The following NOP14 variants were observed in gnomAD, a reference collection of about 807,000 sequenced individuals.
The protein encoded by NOP14 is nucleolar protein 14.
NOP14 carries 57 observed loss-of-function variants against 101.6 expected under a neutral mutation model. The observed-to-expected ratio is 0.56, with a 90% CI of 0.45 to 0.70. The LOEUF (loss-of-function observed/expected upper bound fraction) is 0.70. Among genes scored for constraint, NOP14 ranks in the 30% least tolerant of loss-of-function variants. The probability of loss-of-function intolerance (pLI) is 0.00; values close to 1 mark genes in which losing one functional copy is unlikely to be tolerated. For missense variants in NOP14, 1,134 were observed against 1,075.5 expected (o/e 1.05, Z -0.76); for synonymous variants, 428 against 424.0 (o/e 1.01, Z -0.12).
chr4:2,939,656 C>G lies in NOP14; in HGVS notation c.2200-11G>C. ...GCTCTGACACAGCTCCTGAAAAACACGAAATCCCCGACTCTGCGATGACTC... is the reference window on the plus strand; with the variant it reads ...GCTCTGACACAGCTCCTGAAAAACAGGAAATCCCCGACTCTGCGATGACTC... On this transcript the variant is annotated splice_polypyrimidine_tract_variant and intron_variant, in intron 15 of 17. Coordinates refer to ENST00000416614, the MANE Select transcript of NOP14 (RefSeq NM_001291978.2). 1 of 1,597,970 alleles carries G rather than the reference C, an allele frequency of 6.3e-7. No individual in the cohort carries two copies. Among genetic ancestry groups the G allele is most frequent in the Non-Finnish European group, 8.6e-7 (1 of 1,165,630 alleles).
intron 8 of NOP14, among the ~76,000 whole-genome samples, chr4:2,949,478 T>A (rs1178904522): frequency 6.6e-6 from 1 of 152,170 alleles, no homozygotes; most frequent in African/African-American, 2.4e-5. Flanking sequence ...GTGTTGGGAT[T>A]ATAGGCATCA....
At chr4:2,956,945 T>C (rs949140948) in intron 2 of NOP14, 134 bp from the exon 3 acceptor site, 1 of 756,534 alleles carries the variant, frequency 1.3e-6, no homozygotes, top group Admixed American at 3.1e-5. Context: ...TTAAAGAGTA[T>C]TTTGGGTCAA....
In NOP14 at chr4:2,946,401, A is replaced by G; in HGVS notation, c.1635+11T>C. 1.9e-6 allele frequency: 3 copies of G among 1,614,050 alleles called. No individual in the cohort carries two copies. The highest frequency in any genetic ancestry group is 2.5e-6 in the Non-Finnish European group (3 of 1,179,934). ...GTGGCAGGGGCAGTGCCTAGACTGA[A>G]CTCTGCTTACCACATCCAACCCTGG... On this transcript the variant is annotated intron_variant, in intron 11 of 17. Transcript: ENST00000416614.
intron 1 of NOP14, 35 bp from the exon 2 acceptor site, chr4:2,957,775 T>G (rs1715451218): frequency 6.2e-7 from 1 of 1,607,180 alleles, no homozygotes; most frequent in African/African-American, 1.3e-5. Flanking sequence ...TCACAAAAAA[T>G]TCTTGTGATT....
At chr4:2,952,508 T>G in intron 5 of NOP14, 111 bp from the exon 6 acceptor site, 6 of 969,264 alleles carry the variant, frequency 6.2e-6, no homozygotes, top group Non-Finnish European at 8.7e-6. Flanking sequence ...GATAATGTTA[T>G]TGAAGTAGCT....
chr4:2,939,733 C>A (rs554680198), intron 15 of NOP14, 88 bp from the exon 16 acceptor site: 4 of 1,014,068 alleles, frequency 3.9e-6, no homozygotes, highest in Admixed American at 1.7e-5. Context: ...GTCAAGGCAG[C>A]GTGAGGACAG....
In NOP14 at chr4:2,947,545, C is replaced by G. The variant is rs762378989; in HGVS notation, c.1480G>C (p.Val494Leu). Residue 494 changes from valine (V) to leucine (L), a missense_variant, in exon 10 of 18, where the codon GTC becomes CTC. Physicochemically the swap from Val to Leu is conservative, Grantham distance 32. Coordinates refer to ENST00000416614, the MANE Select transcript of NOP14 (RefSeq NM_001291978.2). ...ACTTACACAACCAACTTATCAATGA[C>G]TGTGAGGTCTGGTGGGTCATCTGTA... The part of the protein sequence containing the change: ...LATDDPPDLT[V>L]IDKLVVHLYH... The G allele has an allele frequency of 1.9e-6, 3 of 1,613,506 alleles. No individual in the cohort carries two copies. The highest frequency in any genetic ancestry group is 2.5e-6 in the Non-Finnish European group (3 of 1,179,426).
chr4:2,939,499 C>A, intron 16 of NOP14, 28 bp downstream of exon 16: 1 of 1,600,864 alleles, frequency 6.2e-7, no homozygotes, highest in Non-Finnish European at 8.6e-7. Context: ...CAGCCCTGGC[C>A]TCCCAGGGAG....
In NOP14 at chr4:2,945,237, GA is replaced by G. The variant is rs778445727; in HGVS notation, c.1636-9del. On this transcript the variant is annotated splice_polypyrimidine_tract_variant and intron_variant, in intron 11 of 17. Transcript: ENST00000416614. ...GATTTTCAAATAAATGAGCTGGAAA[GA>G]AAGTGTTACCACAGGTTAAAGAAGG... 9.7e-6 allele frequency: 15 copies of G among 1,554,200 alleles called. No homozygotes were observed. The Admixed American group carries it at 2.7e-4, about 28-fold the overall frequency.
In NOP14 at chr4:2,938,046, G is replaced by A; in HGVS notation, c.*785C>T. On this transcript the variant is annotated 3_prime_UTR_variant, in exon 18 of 18. Transcript: ENST00000416614. ...ACTGGCCAGAATCCCCAGTCCCCAT[G>A]AGGCTTGTCCAGACGCAGTGAACCA... 1 of 390,754 alleles carries A rather than the reference G, an allele frequency of 2.6e-6. No individual in the cohort carries two copies. The highest frequency in any genetic ancestry group is 4.3e-6 in the Non-Finnish European group (1 of 234,700). The allele number at this position is 390,754 out of a possible 1,614,324, so 24.2% of individuals were successfully genotyped here.
At chr4:2,962,069 G>A (rs1186148190) in intron 1 of NOP14, among the ~76,000 whole-genome samples, 2 of 152,188 alleles carry the variant, frequency 1.3e-5, no homozygotes, top group East Asian at 1.9e-4. Context: ...CAGACTGTGC[G>A]GGACTCGAAC....
At chr4:2,962,085 G>A (rs1315089390) in intron 1 of NOP14, among the ~76,000 whole-genome samples, 1 of 152,248 alleles carries the variant, frequency 6.6e-6, no homozygotes, top group African/African-American at 2.4e-5. Context: ...CGAACGACAA[G>A]CCAAGAAGGT....
At chr4:2,943,378 G>A (rs1296023233) in intron 13 of NOP14, among the ~76,000 whole-genome samples, 2 of 152,362 alleles carry the variant, frequency 1.3e-5, no homozygotes, top group East Asian at 1.9e-4. Context: ...CAGGCTGGGA[G>A]AGGCGTCCAC....
intron 10 of NOP14, chr4:2,947,153 C>T (rs906851912): frequency 1.4e-5 from 4 of 283,436 alleles, no homozygotes; most frequent in African/African-American, 9.0e-5. Flanking sequence ...AGCCACCCAA[C>T]TGGGTTTCAC....
At chr4:2,952,156 G>T in intron 6 of NOP14, 119 bp downstream of exon 6, 32 of 883,848 alleles carry the variant, frequency 3.6e-5, no homozygotes, top group African/African-American at 5.1e-5. Flanking sequence ...ACTTTAAATA[G>T]ACTAAAATAT....
chr4:2,959,682 G>A (rs1715599471), intron 1 of NOP14, among the ~76,000 whole-genome samples: 1 of 152,146 alleles, frequency 6.6e-6, no homozygotes, highest in Non-Finnish European at 1.5e-5. Flanking sequence ...TCCCCAGATA[G>A]ACCAGAGGGC....
At chr4:2,939,028 C>A in intron 17 of NOP14, 98 bp from the exon 18 acceptor site, 1 of 1,472,376 alleles carries the variant, frequency 6.8e-7, no homozygotes. Flanking sequence ...GCCACCGTGG[C>A]CACGTTCAGT....
intron 11 of NOP14, among the ~76,000 whole-genome samples, chr4:2,945,879 G>A (rs1037894455): frequency 6.6e-6 from 1 of 152,154 alleles, no homozygotes; most frequent in African/African-American, 2.4e-5. Context: ...GGCTAGTGGA[G>A]GAGTGCCCTC....
intron 12 of NOP14, among the ~76,000 whole-genome samples, 197 bp from the exon 13 acceptor site, chr4:2,944,423 C>T (rs1714456879): frequency 1.3e-5 from 2 of 151,860 alleles, no homozygotes; most frequent in African/African-American, 4.8e-5. Flanking sequence ...TTTTTTTTCC[C>T]GAGACGGAGT....
Sources: allele counts gnomAD v4.1 joint callset (sites outside exome capture counted in the v4.1 genomes callset), GRCh38; gene constraint gnomAD v4.1.1; transcripts MANE v1.5; gene names NCBI Gene and HGNC (gene_info 2026-07-23, HGNC 2026-07-21).